Variants in TTC29 observed in about 807,000 individuals in gnomAD.
TTC29 encodes tetratricopeptide repeat domain 29.
A neutral mutation model predicts 58.1 loss-of-function variants in TTC29; 49 were observed. That is an observed-to-expected ratio of 0.84 (90% confidence interval 0.67 to 1.07). The LOEUF (loss-of-function observed/expected upper bound fraction) is 1.07, where lower values mean the gene tolerates loss of function less well. Ranked by LOEUF, TTC29 falls within the 50% of genes least tolerant of loss-of-function variation. TTC29 has a pLI of 0.00. For missense variants in TTC29, 582 were observed against 555.6 expected, an observed-to-expected ratio of 1.05 and a Z score of -0.48; for synonymous variants, 209 against 196.8, an observed-to-expected ratio of 1.06 and a Z score of -0.52.
At chr4:146,750,635 G>A (rs1745911271) in intron 11 of TTC29, among the ~76,000 whole-genome samples, 1 of 152,042 alleles carries the variant, frequency 6.6e-6, no homozygotes, top group Non-Finnish European at 1.5e-5. Context: ...ATGCAACAGA[G>A]GTTAAATTAT....
intron 4 of TTC29, among the ~76,000 whole-genome samples, chr4:146,932,278 C>A (rs1426551508): frequency 6.6e-6 from 1 of 152,130 alleles, no homozygotes; most frequent in Non-Finnish European, 1.5e-5. Context: ...TTCTCCTGCC[C>A]ACCTATCTCT....
intron 11 of TTC29, among the ~76,000 whole-genome samples, chr4:146,731,690 G>C (rs1313357312): frequency 6.6e-6 from 1 of 152,118 alleles, no homozygotes; most frequent in African/African-American, 2.4e-5. Flanking sequence ...TTGACAAATT[G>C]GGAAAATTGG....
At chr4:146,851,522 C>A (rs1335742851) in intron 8 of TTC29, among the ~76,000 whole-genome samples, 1 of 152,176 alleles carries the variant, frequency 6.6e-6, no homozygotes. Flanking sequence ...CCAGATCTTT[C>A]AACTGAAAAT....
At chr4:146,767,744 T>C (rs890665798) in intron 11 of TTC29, among the ~76,000 whole-genome samples, 2 of 152,072 alleles carry the variant, frequency 1.3e-5, no homozygotes, top group Non-Finnish European at 2.9e-5. Flanking sequence ...TGTGCAGTAT[T>C]TGTTCTACTT....
At chr4:146,921,191 C>T (rs1377884666) in intron 4 of TTC29, among the ~76,000 whole-genome samples, 1 of 151,244 alleles carries the variant, frequency 6.6e-6, no homozygotes, top group Non-Finnish European at 1.5e-5. Flanking sequence ...TAATAAAATG[C>T]TTTGGCTAGA....
At chr4:146,872,302 A>G (rs532905424) in intron 7 of TTC29, among the ~76,000 whole-genome samples, 78 of 152,218 alleles carry the variant, frequency 5.1e-4, no homozygotes, top group Non-Finnish European at 9.7e-4. Flanking sequence ...CTTAAAGCAT[A>G]GGAGTAAATC....
intron 11 of TTC29, among the ~76,000 whole-genome samples, chr4:146,787,460 C>A (rs932840976): frequency 1.3e-5 from 2 of 152,122 alleles, no homozygotes; most frequent in African/African-American, 4.8e-5. Flanking sequence ...TTGAGTTGTT[C>A]CCTCCAAAGT....
chr4:146,810,845 G>A (rs189916712), intron 10 of TTC29, among the ~76,000 whole-genome samples: 27 of 151,988 alleles, frequency 1.8e-4, no homozygotes, highest in East Asian at 1.2e-3. Context: ...ACCCGCCTCC[G>A]CTTCCCAAAG....
intron 11 of TTC29, among the ~76,000 whole-genome samples, chr4:146,788,609 T>C (rs548792442): frequency 9.2e-4 from 140 of 151,950 alleles, no homozygotes; most frequent in African/African-American, 3.3e-3. Context: ...AGAAAGACCA[T>C]TTAACCTGTA....
chr4:146,708,335 TATATATATATATATATATATAC>T lies in TTC29; in HGVS notation c.1331-806_1331-785del, dbSNP rs1288128980. 3.1e-3 allele frequency among the ~76,000 whole-genome samples: 236 copies of T among 76,060 alleles called. 11 individuals are homozygous for T. The highest frequency in any genetic ancestry group is 6.1e-3 in the Admixed American group (39 of 6,398). 49.9% of individuals were successfully genotyped at this position (76,060 alleles called of 152,430 possible). ...ATATATATATATATATATATATATA[TATATATATATATATATATATAC>T]ACATGTATGTGTGTGTATATATATA... On this transcript the variant is annotated intron_variant, in intron 11 of 12. Coordinates refer to ENST00000325106, the MANE Select transcript of TTC29 (RefSeq NM_031956.4).
chr4:146,816,807 T>G (rs547756879), intron 10 of TTC29, among the ~76,000 whole-genome samples: 1 of 152,266 alleles, frequency 6.6e-6, no homozygotes, highest in East Asian at 1.9e-4. Flanking sequence ...GTTTCACTCA[T>G]TCAAATTAAT....
chr4:146,799,587 T>C (rs577159034), intron 11 of TTC29, among the ~76,000 whole-genome samples: 4 of 152,304 alleles, frequency 2.6e-5, no homozygotes, highest in African/African-American at 9.6e-5. Context: ...CAAGGAAACC[T>C]TTACATGCCA....
intron 8 of TTC29, among the ~76,000 whole-genome samples, chr4:146,848,768 C>G (rs1034913927): frequency 1.1e-4 from 16 of 152,208 alleles, no homozygotes; most frequent in African/African-American, 3.9e-4. Flanking sequence ...ATTCTCCCAG[C>G]TGGTTCCACC....
chr4:146,812,742 C>T (rs1751107483), intron 10 of TTC29: 1 of 152,116 alleles, frequency 6.6e-6, no homozygotes, highest in Non-Finnish European at 1.5e-5. Flanking sequence ...AAGATGCAAA[C>T]ATTTGTATAC....
At chr4:146,938,394 A>G (rs1038892052) in intron 3 of TTC29, among the ~76,000 whole-genome samples, 5 of 152,184 alleles carry the variant, frequency 3.3e-5, no homozygotes, top group African/African-American at 1.2e-4. Context: ...TTTTTCTTCA[A>G]TAAAATGAAT....
chr4:146,730,868 A>T (rs1300924876), intron 11 of TTC29, among the ~76,000 whole-genome samples: 1 of 152,196 alleles, frequency 6.6e-6, no homozygotes, highest in Middle Eastern at 3.2e-3. Context: ...GACAAACAAC[A>T]AATGTGGATG....
chr4:146,775,561 A>G (rs77905303), intron 11 of TTC29, among the ~76,000 whole-genome samples: 3 of 149,938 alleles, frequency 2.0e-5, no homozygotes, highest in African/African-American at 7.4e-5. Flanking sequence ...TTTTTTTTTA[A>G]GAATGCTGAA....
intron 8 of TTC29, among the ~76,000 whole-genome samples, chr4:146,857,154 T>C (rs1729913679): frequency 6.6e-6 from 1 of 152,208 alleles, no homozygotes; most frequent in Non-Finnish European, 1.5e-5. Context: ...GAAAATATTA[T>C]TTCCTTTTAA....
chr4:146,708,124 A>G (rs1387539442), intron 11 of TTC29, among the ~76,000 whole-genome samples: 1 of 151,806 alleles, frequency 6.6e-6, no homozygotes, highest in Non-Finnish European at 1.5e-5. Context: ...TAGTGACTTC[A>G]ATTAACGTCC....
Sources: allele counts gnomAD v4.1 joint callset (sites outside exome capture counted in the v4.1 genomes callset), GRCh38; gene constraint gnomAD v4.1.1; transcripts MANE v1.5; gene names NCBI Gene and HGNC (gene_info 2026-07-23, HGNC 2026-07-21).